Variants in GNAS-AS1 observed in about 807,000 individuals in gnomAD.
The protein encoded by GNAS-AS1 is GNAS antisense RNA 1 (non-protein coding).
chr20:58,841,203 G>A lies in GNAS-AS1; in HGVS notation n.819+734C>T. On this transcript the variant is annotated intron_variant and non_coding_transcript_variant, in intron 4 of 4. Transcript: ENST00000424094. This position sits in a 1 kb window ranked among gnomAD's most constrained non-coding sequence, Gnocchi z 5.0. ...CCGAACGCACCCCAGATTTGGAGCTGCACACCCAAACGGCATTGGTAAGTC... is the reference window on the plus strand; with the variant it reads ...CCGAACGCACCCCAGATTTGGAGCTACACACCCAAACGGCATTGGTAAGTC... The A allele has an allele frequency of 1.7e-6, 1 of 600,280 alleles. No individual in the cohort carries two copies. The highest frequency in any genetic ancestry group is 2.4e-6 in the Non-Finnish European group (1 of 415,282). The allele number at this position is 600,280 out of a possible 1,614,324, so 37.2% of individuals were successfully genotyped here.
In GNAS-AS1 at chr20:58,841,881, G is replaced by C; in HGVS notation, n.819+56C>G. ...AGATCGTCGCAAGTGGAAAGGTAAA[G>C]CGGAACAAGGGACAGGCTGGAGACG... On this transcript the variant is annotated intron_variant and non_coding_transcript_variant, in intron 4 of 4. Coordinates refer to ENST00000424094, the Ensembl canonical transcript of GNAS-AS1. The surrounding 1 kb of genome is among the most constrained non-coding windows in gnomAD (Gnocchi z 5.0). The C allele has an allele frequency of 8.1e-7, 1 of 1,231,516 alleles. No homozygotes were observed. The highest frequency in any genetic ancestry group is 1.0e-6 in the Non-Finnish European group (1 of 988,038). 76.3% of individuals were successfully genotyped at this position (1,231,516 alleles called of 1,614,324 possible). A position where few individuals can be genotyped will look rare whatever the true frequency, so the allele number is the denominator to read the frequency against.
In GNAS-AS1 at chr20:58,835,593, C is replaced by T. The variant is rs140866658; in HGVS notation, n.819+6344G>A. The stretch of plus-strand genomic sequence containing the variant: ...CCTCTGATTCTAACCAGTTACTCAA[C>T]TTCCCTCCCTGTCTATCTGGGCTGG... On this transcript the variant is annotated intron_variant and non_coding_transcript_variant, in intron 4 of 4. Transcript: ENST00000424094. 8.5e-5 allele frequency among the ~76,000 whole-genome samples: 13 copies of T among 152,340 alleles called. No homozygotes were observed. The East Asian group carries it at 2.5e-3, about 29-fold the overall frequency.
intron 4 of GNAS-AS1, among the ~76,000 whole-genome samples, chr20:58,828,051 G>A (rs1038634351): frequency 5.9e-5 from 9 of 152,128 alleles, no homozygotes; most frequent in African/African-American, 1.9e-4. Flanking sequence ...TCCCTTTCTT[G>A]TACCTTAATG....
At chr20:58,824,615 G>A (rs900670747) in intron 4 of GNAS-AS1, among the ~76,000 whole-genome samples, 1 of 152,012 alleles carries the variant, frequency 6.6e-6, no homozygotes, top group African/African-American at 2.4e-5. Flanking sequence ...TTCAACCCCT[G>A]TGACCCTATG....
chr20:58,826,028 T>C, intron 4 of GNAS-AS1: 2 of 398,612 alleles, frequency 5.0e-6, no homozygotes, highest in Non-Finnish European at 8.8e-6. Context: ...TGCTTACCTT[T>C]AGACGATGAC....
chr20:58,848,760 AT>A (rs1237883880), intron 2 of GNAS-AS1: 3 of 396,242 alleles, frequency 7.6e-6, no homozygotes, highest in African/African-American at 6.2e-5. Flanking sequence ...ACTATACCGG[AT>A]TCCTCAGGTC....
rs1011038240 is a variant in GNAS-AS1 at position 58,819,961 on chromosome 20, C to A, written n.820-706G>T. Among the ~76,000 whole-genome samples the A allele has an allele frequency of 2.6e-5, 4 of 152,214 alleles. No homozygotes were observed. The East Asian group carries it at 7.7e-4, about 29-fold the overall frequency. ...GGTCCTCGCACCCCGCCCCAGGTGACCCTCCCAGAAAAGGGGTGCTGAATG... is the reference window on the plus strand; with the variant it reads ...GGTCCTCGCACCCCGCCCCAGGTGAACCTCCCAGAAAAGGGGTGCTGAATG... On this transcript the variant is annotated intron_variant and non_coding_transcript_variant, in intron 4 of 4. Coordinates refer to ENST00000424094, the Ensembl canonical transcript of GNAS-AS1.
At chr20:58,835,158 G>A (rs1026556760) in intron 4 of GNAS-AS1, among the ~76,000 whole-genome samples, 5 of 151,938 alleles carry the variant, frequency 3.3e-5, no homozygotes, top group African/African-American at 9.7e-5. Context: ...CCACAGTGAG[G>A]GGTAGCGAGT....
chr20:58,823,866 C>T (rs765956366), intron 4 of GNAS-AS1, among the ~76,000 whole-genome samples: 28 of 152,234 alleles, frequency 1.8e-4, no homozygotes, highest in Admixed American at 2.6e-4. Flanking sequence ...CCCCTAACCG[C>T]GCCATCAGCC....
At chr20:58,830,983 C>T (rs533800722) in intron 4 of GNAS-AS1, among the ~76,000 whole-genome samples, 6 of 152,274 alleles carry the variant, frequency 3.9e-5, no homozygotes, top group African/African-American at 1.2e-4. Flanking sequence ...CCATTTCACC[C>T]TTCTCTCTCC....
chr20:58,827,857 A>C (rs2085531050), intron 4 of GNAS-AS1, among the ~76,000 whole-genome samples: 1 of 152,240 alleles, frequency 6.6e-6, no homozygotes, highest in South Asian at 2.1e-4. Context: ...GTGCAGGGTC[A>C]TCAAAGCAGA....
Position 58,840,514 on chromosome 20 carries a change from G to A in GNAS-AS1, n.819+1423C>T. ...AGCCTGAGACCGCCCCCACCACTGA[G>A]CCCGAGACCGAGCCTGAAGACGATC... On this transcript the variant is annotated intron_variant and non_coding_transcript_variant, in intron 4 of 4. Transcript: ENST00000424094. The surrounding 1 kb of genome is among the most constrained non-coding windows in gnomAD (Gnocchi z 6.0). 1 of 1,613,538 alleles carries A rather than the reference G, an allele frequency of 6.2e-7. No homozygotes were observed. Among genetic ancestry groups the A allele is most frequent in the Non-Finnish European group, 8.5e-7 (1 of 1,179,982 alleles).
intron 4 of GNAS-AS1, among the ~76,000 whole-genome samples, chr20:58,825,687 G>A (rs2085514988): frequency 6.6e-6 from 1 of 152,222 alleles, no homozygotes. Flanking sequence ...TCCTAAAGGG[G>A]TGGAATTTTT....
chr20:58,849,444 C>G (rs150763301), intron 1 of GNAS-AS1, among the ~76,000 whole-genome samples: 28 of 152,310 alleles, frequency 1.8e-4, no homozygotes, highest in East Asian at 1.3e-3. Flanking sequence ...TCTCTGACTC[C>G]ATAAATTCAT....
intron 4 of GNAS-AS1, among the ~76,000 whole-genome samples, chr20:58,820,202 C>T (rs1043427333): frequency 6.6e-6 from 1 of 152,232 alleles, no homozygotes; most frequent in South Asian, 2.1e-4. Flanking sequence ...ACTGGAGATG[C>T]GGCCTTAGGT....
chr20:58,850,794 C>G (rs1163414904), exon 1 of GNAS-AS1: 15 of 398,738 alleles, frequency 3.8e-5, no homozygotes. Flanking sequence ...GACCCCACGG[C>G]GCTAGCGGTC....
At chr20:58,829,584 A>G (rs1312370480) in intron 4 of GNAS-AS1, among the ~76,000 whole-genome samples, 1 of 152,164 alleles carries the variant, frequency 6.6e-6, no homozygotes, top group Non-Finnish European at 1.5e-5. Flanking sequence ...TCCGCCAGAG[A>G]GCTGGCAAAT....
intron 4 of GNAS-AS1, chr20:58,833,809 T>C (rs965488673): frequency 2.0e-5 from 3 of 152,106 alleles, no homozygotes; most frequent in African/African-American, 7.2e-5. Flanking sequence ...AACAAACAAA[T>C]ACCTTAGAAT....
intron 4 of GNAS-AS1, among the ~76,000 whole-genome samples, chr20:58,819,942 C>T (rs906813339): frequency 9.2e-5 from 14 of 152,200 alleles, no homozygotes; most frequent in South Asian, 4.1e-4. Context: ...AAGGGGTCCT[C>T]GCACCCCGCC....
Sources: allele counts gnomAD v4.1 joint callset (sites outside exome capture counted in the v4.1 genomes callset), GRCh38; gene constraint gnomAD v4.1.1; non-coding constraint Gnocchi (gnomAD v3.1); transcripts MANE v1.5; gene names NCBI Gene and HGNC (gene_info 2026-07-23, HGNC 2026-07-21).